Variants in GNS observed in about 807,000 individuals in gnomAD.
GNS encodes glucosamine (N-acetyl)-6-sulfatase.
In GNS, 40 loss-of-function variants were observed where a neutral mutation model predicts 69.7. The ratio of observed to expected loss-of-function variants is 0.57; its 90% CI spans 0.45 to 0.75. The LOEUF is 0.75. Ranked by LOEUF, GNS falls within the 30% of genes least tolerant of loss-of-function variation. The pLI is 0.00. For missense variants in GNS, 565 were observed against 685.5 expected, an observed-to-expected ratio of 0.82 and a Z score of 1.96; for synonymous variants, 243 against 251.6, an observed-to-expected ratio of 0.97 and a Z score of 0.32.
intron 10 of GNS, among the ~76,000 whole-genome samples, chr12:64,727,270 TAA>T (rs34941904): frequency 2.2e-5 from 3 of 137,266 alleles, no homozygotes; most frequent in Non-Finnish European, 3.1e-5. Context: ...TTTCTACTAT[TAA>T]AAAAAAAAAA....
At chr12:64,753,048 G>T in intron 1 of GNS, 1 of 430,008 alleles carries the variant, frequency 2.3e-6, no homozygotes, top group Non-Finnish European at 4.2e-6. Flanking sequence ...AAGGCAGATA[G>T]GGCAGACCTA....
At chr12:64,749,977 A>G (rs1450869781) in intron 2 of GNS, among the ~76,000 whole-genome samples, 2 of 151,514 alleles carry the variant, frequency 1.3e-5, no homozygotes, top group Non-Finnish European at 2.9e-5. Flanking sequence ...CTCAGGGTTA[A>G]GCAATCCTCC....
At chr12:64,736,404 C>T (rs1377465528) in intron 9 of GNS, among the ~76,000 whole-genome samples, 1 of 152,140 alleles carries the variant, frequency 6.6e-6, no homozygotes, top group Non-Finnish European at 1.5e-5. Flanking sequence ...TTTTGATAGC[C>T]TTATACTCAA....
At chr12:64,731,953 C>T (rs1015809145) in intron 9 of GNS, among the ~76,000 whole-genome samples, 15 of 152,010 alleles carry the variant, frequency 9.9e-5, no homozygotes, top group Middle Eastern at 3.4e-3. Context: ...AAATCATTTA[C>T]GGATTGGAAC....
intron 10 of GNS, among the ~76,000 whole-genome samples, chr12:64,723,707 G>C (rs1012942359): frequency 6.6e-6 from 1 of 152,202 alleles, no homozygotes; most frequent in African/African-American, 2.4e-5. Flanking sequence ...ATGGTGAAAG[G>C]AGAAAGAATC....
chr12:64,750,250 G>A (rs1357906917), intron 2 of GNS, among the ~76,000 whole-genome samples: 2 of 152,196 alleles, frequency 1.3e-5, no homozygotes, highest in African/African-American at 4.8e-5. Context: ...GTTTCACCAT[G>A]TTGGGTAGGC....
intron 13 of GNS, among the ~76,000 whole-genome samples, chr12:64,717,654 C>G (rs939432308): frequency 1.3e-5 from 2 of 151,904 alleles, no homozygotes; most frequent in African/African-American, 4.8e-5. Context: ...TGAGCCACCG[C>G]GCCCAGCCAG....
At chr12:64,717,259 A>C (rs1358643966) in intron 13 of GNS, among the ~76,000 whole-genome samples, 1 of 152,222 alleles carries the variant, frequency 6.6e-6, no homozygotes, top group African/African-American at 2.4e-5. Flanking sequence ...TAAGTGAAAA[A>C]GTGAACGCTC....
At chr12:64,756,605 G>A (rs1870255917) in intron 1 of GNS, 1 of 669,406 alleles carries the variant, frequency 1.5e-6, no homozygotes, top group Non-Finnish European at 2.6e-6. Flanking sequence ...TTAAGATAAG[G>A]ATACTATGTA....
rs1187155586 is a variant in GNS, at chr12:64,744,740, T to C, written c.624+69A>G. On this transcript the variant is annotated intron_variant, in intron 5 of 13. Transcript: ENST00000258145. ...CAAACGAATAAGATTATAGGTTTTC[T>C]AGGCAGAGTCTTCAATCAAATGTGA... is the stretch of plus-strand genomic sequence containing the variant. The C allele has an allele frequency of 6.2e-6, 5 of 803,734 alleles. No homozygotes were observed. In the African/African-American group the frequency reaches 6.7e-5, roughly 11 times the overall value. 49.8% of individuals were successfully genotyped at this position (803,734 alleles called of 1,614,324 possible). A position where few individuals can be genotyped will look rare whatever the true frequency, so the allele number is the denominator to read the frequency against.
chr12:64,717,362 G>A (rs1015928412), intron 13 of GNS, among the ~76,000 whole-genome samples: 3 of 152,034 alleles, frequency 2.0e-5, no homozygotes, highest in African/African-American at 2.4e-5. Context: ...TGGTGGGGGC[G>A]CTGGCAGGGG....
intron 9 of GNS, among the ~76,000 whole-genome samples, chr12:64,734,978 G>A (rs955034738): frequency 6.6e-6 from 1 of 152,144 alleles, no homozygotes; most frequent in African/African-American, 2.4e-5. Context: ...GGGCATGGTG[G>A]CAGGTACCTA....
intron 10 of GNS, among the ~76,000 whole-genome samples, chr12:64,723,611 C>T (rs1379711814): frequency 6.6e-6 from 1 of 152,142 alleles, no homozygotes; most frequent in African/African-American, 2.4e-5. Flanking sequence ...AGGTATAGTA[C>T]ATTAATTCAC....
In GNS at chr12:64,720,193, TGAAAGAATGGAG is replaced by T; in HGVS notation, c.1420-23_1420-12del. 1 of 1,568,318 alleles carries T rather than the reference TGAAAGAATGGAG, an allele frequency of 6.4e-7. No homozygotes were observed. The highest frequency in any genetic ancestry group is 8.8e-7 in the Non-Finnish European group (1 of 1,139,424). On this transcript the variant is annotated splice_polypyrimidine_tract_variant and intron_variant, in intron 12 of 13. Coordinates refer to ENST00000258145, the MANE Select transcript of GNS (RefSeq NM_002076.4). ...GACTTCTACAAACACCTAGAGGACATGAAAGAATGGAGGAAAGAAAAGAGCAAAGGTTAGCCG... is the reference window on the plus strand; with the variant it reads ...GACTTCTACAAACACCTAGAGGACATGAAAGAAAAGAGCAAAGGTTAGCCG...
At chr12:64,746,071 T>C (rs1869889633) in intron 3 of GNS, 6 of 362,008 alleles carry the variant, frequency 1.7e-5, no homozygotes, top group Admixed American at 1.2e-4. Flanking sequence ...AAGAGTTTTA[T>C]TGGAACACAG....
chr12:64,757,719 C>G (rs1870301699), intron 1 of GNS, among the ~76,000 whole-genome samples: 1 of 152,170 alleles, frequency 6.6e-6, no homozygotes, highest in African/African-American at 2.4e-5. Context: ...GTAACACACA[C>G]ACTCACACAC....
At chr12:64,738,064 C>T (rs1869608298) in intron 8 of GNS, among the ~76,000 whole-genome samples, 1 of 151,376 alleles carries the variant, frequency 6.6e-6, no homozygotes, top group African/African-American at 2.4e-5. Context: ...CACTGGAGTG[C>T]AGTGGCACGA....
In GNS at chr12:64,729,018, C is replaced by A; in HGVS notation, c.1138G>T (p.Asp380Tyr). 6.2e-7 allele frequency: 1 copy of A among 1,601,580 alleles called. No homozygotes were observed. The highest frequency in any genetic ancestry group is 8.6e-7 in the Non-Finnish European group (1 of 1,168,630). Residue 380 changes from aspartate (D) to tyrosine (Y), a missense_variant, in exon 10 of 14, where the codon GAC becomes TAC. Physicochemically the swap from Asp to Tyr is radical, Grantham distance 160. Coordinates refer to ENST00000258145, the MANE Select transcript of GNS (RefSeq NM_002076.4). ...TTATTTAGGTCGTAGCCAGCAATGT[C>A]CAAAATAGTAGGACCCAAGTCAATG... ...ANIDLGPTILDIAGYDLNKTQ... is the reference protein window; with the variant it reads ...ANIDLGPTILYIAGYDLNKTQ...
At chr12:64,730,577 T>C (rs561593) in intron 9 of GNS, among the ~76,000 whole-genome samples, 105,506 of 151,950 alleles carry the variant, frequency 0.69, 38,107 homozygotes, top group African/African-American at 0.9. Flanking sequence ...CAGGTATTAC[T>C]GCCCAAAGGC....
Sources: allele counts gnomAD v4.1 joint callset (sites outside exome capture counted in the v4.1 genomes callset), GRCh38; gene constraint gnomAD v4.1.1; transcripts MANE v1.5; gene names NCBI Gene and HGNC (gene_info 2026-07-23, HGNC 2026-07-21).